AK4: variants seen among roughly 807,000 people sequenced by gnomAD.
The protein encoded by AK4 is adenylate kinase 4, also known as adenylate kinase 4, mitochondrial.
In AK4, 13 loss-of-function variants were observed where a neutral mutation model predicts 24.6. The observed-to-expected ratio is 0.53, with a 90% confidence interval of 0.34 to 0.84. The LOEUF (loss-of-function observed/expected upper bound fraction) is 0.84. Among genes scored for constraint, AK4 ranks in the 40% least tolerant of loss-of-function variants. AK4 has a pLI of 0.01. For missense variants in AK4, 192 were observed against 288.2 expected (o/e 0.67, Z 2.42); for synonymous variants, 88 against 107.0 (o/e 0.82, Z 1.10).
chr1:65,156,187 A>G (rs1450730192), intron 1 of AK4, among the ~76,000 whole-genome samples: 1 of 152,112 alleles, frequency 6.6e-6, no homozygotes, highest in Non-Finnish European at 1.5e-5. Context: ...AGATAGTAAA[A>G]TTTTCAAATA....
chr1:65,154,544 G>A (rs1273016338), intron 1 of AK4: 28 of 525,276 alleles, frequency 5.3e-5, no homozygotes, highest in South Asian at 1.8e-4. Context: ...CGCTCTTGTC[G>A]CGTCTGTTCA....
intron 2 of AK4, among the ~76,000 whole-genome samples, chr1:65,210,157 A>C (rs1651927291): frequency 2.6e-5 from 4 of 152,128 alleles, no homozygotes. Flanking sequence ...TTGGTAGAGC[A>C]CTTGCCCTTA....
intron 3 of AK4, among the ~76,000 whole-genome samples, chr1:65,223,534 G>A (rs999979518): frequency 1.3e-5 from 2 of 151,878 alleles, no homozygotes; most frequent in African/African-American, 4.8e-5. Context: ...GGGGGTTCTT[G>A]CCTTTTTCCC....
At chr1:65,156,796 C>T (rs974033601) in intron 1 of AK4, among the ~76,000 whole-genome samples, 2 of 151,814 alleles carry the variant, frequency 1.3e-5, no homozygotes, top group Non-Finnish European at 2.9e-5. Flanking sequence ...GTGGCACATG[C>T]CTGTAATCTC....
chr1:65,178,774 G>A (rs749963104), intron 1 of AK4, among the ~76,000 whole-genome samples: 1 of 152,150 alleles, frequency 6.6e-6, no homozygotes, highest in Admixed American at 6.5e-5. Context: ...TGTAGATTGC[G>A]GGAGGGTAGG....
At chr1:65,214,825 G>C (rs1465026885) in intron 2 of AK4, among the ~76,000 whole-genome samples, 1 of 152,216 alleles carries the variant, frequency 6.6e-6, no homozygotes, top group Non-Finnish European at 1.5e-5. Flanking sequence ...AGGTGACTAA[G>C]TTAGGGAGTT....
chr1:65,161,075 G>A (rs1463598496), intron 1 of AK4, among the ~76,000 whole-genome samples: 1 of 152,058 alleles, frequency 6.6e-6, no homozygotes, highest in Non-Finnish European at 1.5e-5. Context: ...ACTTTTTGTT[G>A]TTGTTGTTCT....
At chr1:65,185,624 CTT>C (rs35079324) in intron 1 of AK4, among the ~76,000 whole-genome samples, 9 of 136,192 alleles carry the variant, frequency 6.6e-5, no homozygotes, top group Admixed American at 7.5e-5. Flanking sequence ...ATATGACCAT[CTT>C]TTTTTTTTTT....
intron 1 of AK4, among the ~76,000 whole-genome samples, chr1:65,185,864 C>T (rs2101033049): frequency 6.6e-6 from 1 of 152,254 alleles, no homozygotes; most frequent in African/African-American, 2.4e-5. Flanking sequence ...ATCTGCCCAC[C>T]TTGGCCTCCC....
intron 1 of AK4, among the ~76,000 whole-genome samples, chr1:65,183,015 ACT>A (rs1179146023): frequency 2.0e-5 from 3 of 151,998 alleles, no homozygotes; most frequent in African/African-American, 7.3e-5. Context: ...AGTGTTTAAG[ACT>A]CTGAGCTCTG....
At chr1:65,163,166 A>G (rs1650224346) in intron 1 of AK4, among the ~76,000 whole-genome samples, 1 of 152,194 alleles carries the variant, frequency 6.6e-6, no homozygotes, top group Non-Finnish European at 1.5e-5. Flanking sequence ...TCGACGTTTA[A>G]TAGTTTGTGG....
Position 65,148,351 on chromosome 1 carries a change from T to C in AK4, c.-57T>C, listed in dbSNP as rs57193680. The C allele has an allele frequency of 0.12, 174,844 of 1,420,588 alleles. 31,491 individuals are homozygous for C. The highest frequency in any genetic ancestry group is 0.74 in the African/African-American group (48,700 of 66,010). The allele number at this position is 1,420,588 out of a possible 1,614,324, so 88.0% of individuals were successfully genotyped here. A position where few individuals can be genotyped will look rare whatever the true frequency, so the allele number is the denominator to read the frequency against. ...GCCGAGAAACAAAGTTCCCGGGGCT[T>C]CCTCCGGGGCCGCGGTCGGGGCTGC... On this transcript the variant is annotated 5_prime_UTR_variant, in exon 1 of 5. Transcript: ENST00000327299.
chr1:65,190,218 A>G lies in AK4; in HGVS notation c.146-492A>G, dbSNP rs181933392. On this transcript the variant is annotated intron_variant, in intron 1 of 4. Coordinates refer to ENST00000327299, the MANE Select transcript of AK4 (RefSeq NM_013410.4). ...CTCTTATTTTTTTCTTGACCAATTT[A>G]TCTTTCTTTCTTTCTTTCCTGCTTT... Among the ~76,000 whole-genome samples, 3 of 148,586 alleles carry G rather than the reference A, an allele frequency of 2.0e-5. No homozygotes were observed. In the East Asian group the frequency reaches 5.9e-4, roughly 29 times the overall value.
chr1:65,159,072 A>G (rs1162844935), intron 1 of AK4, among the ~76,000 whole-genome samples: 2 of 152,230 alleles, frequency 1.3e-5, no homozygotes, highest in Non-Finnish European at 2.9e-5. Flanking sequence ...CCAGACAGAT[A>G]ATACTGAAAT....
intron 1 of AK4, among the ~76,000 whole-genome samples, chr1:65,152,356 CTCTCTATATA>C (rs1373682173): frequency 8.1e-3 from 274 of 33,890 alleles, no homozygotes; most frequent in Middle Eastern, 0.024. Flanking sequence ...CTCTCTCTCT[CTCTCTATATA>C]TATATATATA....
At chr1:65,152,360 C>CTCTATATATA (rs1277948363) in intron 1 of AK4, among the ~76,000 whole-genome samples, 3 of 27,960 alleles carry the variant, frequency 1.1e-4, no homozygotes, top group East Asian at 1.1e-3. Context: ...CTCTCTCTCT[C>CTCTATATATA]TATATATATA....
In AK4 at chr1:65,230,719, A is replaced by T. The variant is rs1652615825; in HGVS notation, c.*4542A>T. On this transcript the variant is annotated 3_prime_UTR_variant, in exon 5 of 5. Transcript: ENST00000327299. The stretch of plus-strand genomic sequence containing the variant: ...CCCTGTTCTCTTTAACAGATAAAAC[A>T]ACATATTTGCTTCAGCCTGGAATCT... The T allele has an allele frequency of 1.3e-5, 2 of 152,216 alleles. No individual in the cohort carries two copies. 9.4% of individuals were successfully genotyped at this position (152,216 alleles called of 1,614,324 possible). A position where few individuals can be genotyped will look rare whatever the true frequency, so the allele number is the denominator to read the frequency against.
At chr1:65,159,876 A>G (rs997570373) in intron 1 of AK4, among the ~76,000 whole-genome samples, 1 of 151,498 alleles carries the variant, frequency 6.6e-6, no homozygotes, top group Non-Finnish European at 1.5e-5. Flanking sequence ...GCTGAGGTAC[A>G]AGAATCGCTT....
In AK4 at chr1:65,218,802, A is replaced by T. The variant is rs1652209375; in HGVS notation, c.314A>T (p.Glu105Val). ...GQAEALDKIC[E>V]VDLVISLNIP... The stretch of plus-strand genomic sequence containing the variant: ...GCCGAAGCCCTGGACAAAATCTGTG[A>T]AGTGGATCTAGTGATCAGTTTGAAT... Residue 105 changes from glutamate to valine, a missense_variant, in exon 3 of 5, where the codon GAA becomes GTA. Transcript: ENST00000327299. The T allele has an allele frequency of 6.3e-7, 1 of 1,597,260 alleles. No individual in the cohort carries two copies. Among genetic ancestry groups the T allele is most frequent in the African/African-American group, 1.4e-5 (1 of 73,832 alleles).
Sources: gnomAD v4.1 joint callset for allele counts (sites outside exome capture counted in the v4.1 genomes callset) on GRCh38, gnomAD v4.1.1 for gene constraint, MANE v1.5 for transcripts, NCBI Gene and HGNC (gene_info 2026-07-23, HGNC 2026-07-21) for gene names.